Variants in CAPN15 observed in about 807,000 individuals in gnomAD.
The protein encoded by CAPN15 is calpain-15.
In CAPN15, 53 loss-of-function variants were observed where a neutral mutation model predicts 97.9. The ratio of observed to expected loss-of-function variants is 0.54; its 90% CI spans 0.43 to 0.68. CAPN15 has a LOEUF of 0.68. Ranked by LOEUF, CAPN15 falls within the 30% of genes least tolerant of loss-of-function variation. The pLI, the probability that CAPN15 is intolerant of heterozygous loss-of-function variation, is 0.00. For synonymous variants in CAPN15, 922 were observed against 722.5 expected, an observed-to-expected ratio of 1.28 and a Z score of -4.43; for missense variants, 1,592 against 1,589.8, an observed-to-expected ratio of 1.00 and a Z score of -0.02.
At chr16:544,311 G>A (rs1425421416) in intron 3 of CAPN15, among the ~76,000 whole-genome samples, 2 of 152,060 alleles carry the variant, frequency 1.3e-5, no homozygotes, top group African/African-American at 2.4e-5. Context: ...CACAGGTTGC[G>A]GGGCTGCCCC....
intron 1 of CAPN15, among the ~76,000 whole-genome samples, chr16:529,532 C>A (rs941126455): frequency 6.6e-6 from 1 of 152,196 alleles, no homozygotes; most frequent in Non-Finnish European, 1.5e-5. Context: ...CCAGTTCACA[C>A]GAGGCAATTG....
Position 547,247 on chromosome 16 carries a change from GA to G in CAPN15, c.410del (p.Glu137GlyfsTer150). The part of the protein sequence containing the change: ...DEEEKEEQEE[E>X]EGAAEPRGGW... ...GGAGGAGAAGGAGGAGCAGGAGGAGGAGGAGGGAGCGGCGGAGCCCAGAGGG... is the reference window on the plus strand; with the variant it reads ...GGAGGAGAAGGAGGAGCAGGAGGAGGGGAGGGAGCGGCGGAGCCCAGAGGG... On this transcript the variant is annotated frameshift_variant, in exon 4 of 14. Coordinates refer to ENST00000219611, the MANE Select transcript of CAPN15 (RefSeq NM_005632.3). LOFTEE classifies it high-confidence loss of function. 1 of 1,515,478 alleles carries G rather than the reference GA, an allele frequency of 6.6e-7. No homozygotes were observed. Among genetic ancestry groups the G allele is most frequent in the South Asian group, 1.3e-5 (1 of 79,382 alleles). The allele number at this position is 1,515,478 out of a possible 1,614,324, so 93.9% of individuals were successfully genotyped here. A position where few individuals can be genotyped will look rare whatever the true frequency, so the allele number is the denominator to read the frequency against.
chr16:540,994 T>C (rs1199199365), intron 3 of CAPN15, among the ~76,000 whole-genome samples: 1 of 152,166 alleles, frequency 6.6e-6, no homozygotes, highest in Non-Finnish European at 1.5e-5. Flanking sequence ...GCCCGGGGCC[T>C]CGGGGCCAGT....
intron 3 of CAPN15, chr16:539,537 C>T (rs546401220): frequency 6.6e-6 from 1 of 152,302 alleles, no homozygotes; most frequent in Admixed American, 6.5e-5. Flanking sequence ...GTGGCTCTCG[C>T]CCCTCTGGAG....
In CAPN15 at chr16:547,185, C is replaced by T. The variant is rs747457500; in HGVS notation, c.347C>T (p.Thr116Met). The change falls in exon 4 of 14, where the codon ACG becomes ATG. Residue 116 changes from threonine (T) to methionine (M), a missense_variant. Thr to Met is a moderately conservative substitution (Grantham distance 81). Transcript: ENST00000219611. ...GTGAGGACTGCGGGGCTGGTGGCCA[C>T]GGAGCCCGCCAGGGGGCAGTGCGAG... Reference protein sequence around the residue: ...GPVRTAGLVATEPARGQCEDK... With the variant: ...GPVRTAGLVAMEPARGQCEDK... 2.7e-5 allele frequency: 41 copies of T among 1,533,190 alleles called. No individual in the cohort carries two copies. Among genetic ancestry groups the T allele is most frequent in the Middle Eastern group, 3.5e-4 (2 of 5,674 alleles). 95.0% of individuals were successfully genotyped at this position (1,533,190 alleles called of 1,614,324 possible).
At chr16:546,037 GTC>G (rs1436811488) in intron 3 of CAPN15, among the ~76,000 whole-genome samples, 8 of 152,224 alleles carry the variant, frequency 5.3e-5, no homozygotes, top group African/African-American at 1.7e-4. Context: ...CCGGCCTTGG[GTC>G]TCTCTGCTCC....
At position 547,891 on chromosome 16, in the gene CAPN15, C is replaced by G. The variant is rs2034710734; in HGVS notation, c.1053C>G (p.Leu351=). The G allele has an allele frequency of 3.1e-6, 5 of 1,611,132 alleles. No individual in the cohort carries two copies. The highest frequency in any genetic ancestry group is 4.2e-6 in the Non-Finnish European group (5 of 1,179,256). The part of the protein sequence containing the change: ...FTTWSCAKCT[L]RNPTVAPRCS... ...CCTGGTCATGTGCCAAGTGCACGCT[C>G]AGAAACCCCACAGTGGCCCCCAGGT... The change falls in exon 4 of 14, where the codon CTC becomes CTG. Residue 351 remains leucine, a synonymous_variant. Transcript: ENST00000219611.
At chr16:542,956 C>G (rs958198931) in intron 3 of CAPN15, among the ~76,000 whole-genome samples, 2 of 151,920 alleles carry the variant, frequency 1.3e-5, no homozygotes, top group African/African-American at 4.9e-5. Context: ...GAGGCTGAAG[C>G]AGGAGAATCG....
At position 552,226 on chromosome 16, in the gene CAPN15, G is replaced by A. The variant is rs368676846; in HGVS notation, c.2507+14G>A. On this transcript the variant is annotated intron_variant, in intron 10 of 13. Coordinates refer to ENST00000219611, the MANE Select transcript of CAPN15 (RefSeq NM_005632.3). The surrounding 1 kb of genome is among the most constrained non-coding windows in gnomAD (Gnocchi z 6.4). ...GGAGGGCAGCAGGTGGGTGCTGCGG[G>A]GCCCCATCGGGCTGGGCTGGGCTAG... 6,808 of 1,531,038 alleles carry A rather than the reference G, an allele frequency of 4.4e-3. 29 individuals carry two copies. The highest frequency in any genetic ancestry group is 5.6e-3 in the Non-Finnish European group (6,401 of 1,137,236). The allele number at this position is 1,531,038 out of a possible 1,614,324, so 94.8% of individuals were successfully genotyped here.
chr16:551,425 C>T lies in CAPN15; in HGVS notation c.2190C>T (p.Thr730=). The T allele has an allele frequency of 6.2e-7, 1 of 1,605,668 alleles. No individual in the cohort carries two copies. Among genetic ancestry groups the T allele is most frequent in the South Asian group, 1.1e-5 (1 of 90,704 alleles). Reference sequence around the variant, plus strand: ...TGGATGTCCGAGATGTCCAGGGCACCAGGTAGGGCCGGCCTGGCTGAGGGT... The same window carrying T: ...TGGATGTCCGAGATGTCCAGGGCACTAGGTAGGGCCGGCCTGGCTGAGGGT... ...SILDVRDVQG[T]RLLRLRNPWG... Residue 730 remains threonine (T), a splice_region_variant and synonymous_variant, in exon 8 of 14, where the codon ACC becomes ACT. Coordinates refer to ENST00000219611, the MANE Select transcript of CAPN15 (RefSeq NM_005632.3).
Position 547,304 on chromosome 16 carries a change from A to G in CAPN15, c.466A>G (p.Asn156Asp). 7 of 1,524,662 alleles carry G rather than the reference A, an allele frequency of 4.6e-6. No individual in the cohort carries two copies. Among genetic ancestry groups the G allele is most frequent in the Non-Finnish European group, 6.1e-6 (7 of 1,140,936 alleles). 94.4% of individuals were successfully genotyped at this position (1,524,662 alleles called of 1,614,324 possible). Residue 156 changes from asparagine to aspartate, a missense_variant, in exon 4 of 14, where the codon AAC (asparagine) becomes GAC (aspartate). Physicochemically the swap from Asn to Asp is conservative, Grantham distance 23. Coordinates refer to ENST00000219611, the MANE Select transcript of CAPN15 (RefSeq NM_005632.3). ...GWACPRCTLHNTPVASSCSVC... is the reference protein window; with the variant it reads ...GWACPRCTLHDTPVASSCSVC... ...GGCGTGTCCGCGTTGCACGCTGCAC[A>G]ACACGCCCGTGGCCAGCTCCTGCTC...
At chr16:540,797 C>T (rs897788440) in intron 3 of CAPN15, among the ~76,000 whole-genome samples, 2 of 152,350 alleles carry the variant, frequency 1.3e-5, no homozygotes, top group Non-Finnish European at 2.9e-5. Flanking sequence ...CCGAACTCCA[C>T]GTGCTGGCTC....
rs543395937 is a variant in CAPN15 at position 547,713 on chromosome 16, G to T, written c.875G>T (p.Gly292Val). Residue 292 changes from glycine (G) to valine (V), a missense_variant, in exon 4 of 14, where the codon GGC becomes GTC. This residue lies in a region of CAPN15 where 883 missense variants were observed against 776.6 expected (regional missense o/e 1.14). Coordinates refer to ENST00000219611, the MANE Select transcript of CAPN15 (RefSeq NM_005632.3). Reference sequence around the variant, plus strand: ...TCCCGCCTAGCAGAGTTGCTGTCTGGCAAGCGGCTGAGTGTGCTGGAGGAA... The same window carrying T: ...TCCCGCCTAGCAGAGTTGCTGTCTGTCAAGCGGCTGAGTGTGCTGGAGGAA... ...GASRLAELLS[G>V]KRLSVLEEEA... 1.0e-5 allele frequency: 16 copies of T among 1,600,116 alleles called. No homozygotes were observed. In the African/African-American group the frequency reaches 1.9e-4, roughly 19 times the overall value.
intron 3 of CAPN15, among the ~76,000 whole-genome samples, chr16:540,980 A>AGGGGCCC (rs887166595): frequency 2.0e-5 from 3 of 152,038 alleles, no homozygotes; most frequent in Admixed American, 6.5e-5. Flanking sequence ...AGGGACACTC[A>AGGGGCCC]GGGGCCCGGG....
rs796813750 is a variant in CAPN15 at position 549,209 on chromosome 16, C to A, written c.1658+8C>A. 4.9e-6 allele frequency: 6 copies of A among 1,231,338 alleles called. No individual in the cohort carries two copies. The highest frequency in any genetic ancestry group is 3.6e-5 in the South Asian group (3 of 84,144). The allele number at this position is 1,231,338 out of a possible 1,614,324, so 76.3% of individuals were successfully genotyped here. A position where few individuals can be genotyped will look rare whatever the true frequency, so the allele number is the denominator to read the frequency against. On this transcript the variant is annotated splice_region_variant and intron_variant, in intron 5 of 13. Coordinates refer to ENST00000219611, the MANE Select transcript of CAPN15 (RefSeq NM_005632.3). Reference sequence around the variant, plus strand: ...GCTGCTGGGGAACTGCTGGTGAGGCCTTCTCCAAGGCCGGGGTGGGGCGGG... The same window carrying A: ...GCTGCTGGGGAACTGCTGGTGAGGCATTCTCCAAGGCCGGGGTGGGGCGGG...
At position 552,234 on chromosome 16, in the gene CAPN15, CG is replaced by C; in HGVS notation, c.2507+25del. 1 of 1,531,618 alleles carries C rather than the reference CG, an allele frequency of 6.5e-7. No individual in the cohort carries two copies. Among genetic ancestry groups the C allele is most frequent in the Non-Finnish European group, 8.8e-7 (1 of 1,137,630 alleles). 94.9% of individuals were successfully genotyped at this position (1,531,618 alleles called of 1,614,324 possible). A position where few individuals can be genotyped will look rare whatever the true frequency, so the allele number is the denominator to read the frequency against. On this transcript the variant is annotated intron_variant, in intron 10 of 13. Coordinates refer to ENST00000219611, the MANE Select transcript of CAPN15 (RefSeq NM_005632.3). This position sits in a 1 kb window ranked among gnomAD's most constrained non-coding sequence, Gnocchi z 6.4. Reference sequence around the variant, plus strand: ...GCAGGTGGGTGCTGCGGGGCCCCATCGGGCTGGGCTGGGCTAGGCTGGCGGC... The same window carrying C: ...GCAGGTGGGTGCTGCGGGGCCCCATCGGCTGGGCTGGGCTAGGCTGGCGGC...
In CAPN15 at chr16:553,865, T is replaced by A; in HGVS notation, c.*349T>A. ...TCCTGCGGGCTAGGCAGCCAGGAGCTCTGTCCGCAAAACCAAATCTGGGTG... is the reference window on the plus strand; with the variant it reads ...TCCTGCGGGCTAGGCAGCCAGGAGCACTGTCCGCAAAACCAAATCTGGGTG... On this transcript the variant is annotated 3_prime_UTR_variant, in exon 14 of 14. Coordinates refer to ENST00000219611, the MANE Select transcript of CAPN15 (RefSeq NM_005632.3). 8.8e-6 allele frequency: 2 copies of A among 227,302 alleles called. No homozygotes were observed. 14.1% of individuals were successfully genotyped at this position (227,302 alleles called of 1,614,324 possible).
rs951755986 is a variant in CAPN15 at position 554,622 on chromosome 16, C to T, written c.*1106C>T. ...CAGGCTCCAATGGACCAAATAAAAG[C>T]GTTTTGTTTTGTAATCACGCCTCCT... On this transcript the variant is annotated 3_prime_UTR_variant, in exon 14 of 14. Coordinates refer to ENST00000219611, the MANE Select transcript of CAPN15 (RefSeq NM_005632.3). 8.8e-6 allele frequency: 4 copies of T among 456,086 alleles called. No homozygotes were observed. Among genetic ancestry groups the T allele is most frequent in the African/African-American group, 4.0e-5 (2 of 50,074 alleles). 28.3% of individuals were successfully genotyped at this position (456,086 alleles called of 1,614,324 possible).
intron 3 of CAPN15, chr16:537,498 T>G (rs1433120166): frequency 1.0e-6 from 1 of 953,376 alleles, no homozygotes; most frequent in Non-Finnish European, 1.2e-6. Flanking sequence ...TGTGCAGTCC[T>G]CACACAGAAC....
Sources: allele counts gnomAD v4.1 joint callset (sites outside exome capture counted in the v4.1 genomes callset), GRCh38; gene constraint gnomAD v4.1.1; regional missense constraint gnomAD v4.1.1; non-coding constraint Gnocchi (gnomAD v3.1); transcripts MANE v1.5; gene names NCBI Gene and HGNC (gene_info 2026-07-23, HGNC 2026-07-21).